Variants in HTT-AS observed in about 807,000 individuals in gnomAD.
The protein encoded by HTT-AS is HTT antisense RNA.
At chr4:3,071,682 G>C (rs1156640353) in intron 1 of HTT-AS, among the ~76,000 whole-genome samples, 1 of 152,158 alleles carries the variant, frequency 6.6e-6, no homozygotes, top group African/African-American at 2.4e-5. Flanking sequence ...GAATGGGATT[G>C]TATTTGGAGA....
chr4:3,061,827 A>C (rs1021696871), intron 2 of HTT-AS, among the ~76,000 whole-genome samples: 3 of 150,942 alleles, frequency 2.0e-5, no homozygotes, highest in Non-Finnish European at 4.4e-5. Context: ...TAAAAAATAC[A>C]AAAAACTAGC....
intron 1 of HTT-AS, among the ~76,000 whole-genome samples, chr4:3,069,075 C>T (rs989055177): frequency 9.2e-5 from 14 of 151,864 alleles, no homozygotes; most frequent in South Asian, 2.1e-4. Context: ...AATAGATTTA[C>T]GTTAGATTTT....
At chr4:3,073,333 C>T (rs951701817) in intron 1 of HTT-AS, among the ~76,000 whole-genome samples, 2 of 152,336 alleles carry the variant, frequency 1.3e-5, no homozygotes, top group African/African-American at 2.4e-5. Flanking sequence ...CTGCCCTCTC[C>T]GTTTGCCCCT....
At chr4:3,046,996 A>C (rs974705619), downstream of HTT-AS, among the ~76,000 whole-genome samples, 1 of 152,198 alleles carries the variant, frequency 6.6e-6, no homozygotes, top group Non-Finnish European at 1.5e-5. Context: ...AGTATAATAA[A>C]AAATATATAT....
intron 2 of HTT-AS, among the ~76,000 whole-genome samples, chr4:3,049,995 G>A: frequency 6.6e-6 from 1 of 150,982 alleles, no homozygotes. Context: ...ACCCAGGCTG[G>A]AGTGCAGCGG....
chr4:3,070,549 C>A (rs1371678526), intron 1 of HTT-AS, among the ~76,000 whole-genome samples: 1 of 152,186 alleles, frequency 6.6e-6, no homozygotes, highest in Non-Finnish European at 1.5e-5. Flanking sequence ...CTCGGCCTCC[C>A]AAAGTGCTGG....
At chr4:3,072,885 C>A (rs533327059) in intron 1 of HTT-AS, among the ~76,000 whole-genome samples, 1 of 152,328 alleles carries the variant, frequency 6.6e-6, no homozygotes, top group Non-Finnish European at 1.5e-5. Flanking sequence ...GCCTTGGCCT[C>A]CCAAAGTGCT....
chr4:3,052,871 C>G (rs954056321), intron 2 of HTT-AS, among the ~76,000 whole-genome samples: 7 of 152,182 alleles, frequency 4.6e-5, no homozygotes, highest in African/African-American at 1.7e-4. Flanking sequence ...CGGCATGCGC[C>G]TATAGTCCCA....
In HTT-AS at chr4:3,061,450, G is replaced by A. The variant is rs565172951; in HGVS notation, n.1380+984C>T. Among the ~76,000 whole-genome samples the A allele has an allele frequency of 1.2e-3, 181 of 152,284 alleles. 1 individual carries two copies. Among genetic ancestry groups the A allele is most frequent in the Middle Eastern group, 6.8e-3 (2 of 294 alleles). ...AATGCCAGCACTTTGGGAGGCGGAGGTGGGTGGATCACCTGAGGTCAGGAG... is the reference window on the plus strand; with the variant it reads ...AATGCCAGCACTTTGGGAGGCGGAGATGGGTGGATCACCTGAGGTCAGGAG... On this transcript the variant is annotated intron_variant and non_coding_transcript_variant, in intron 2 of 2. Transcript: ENST00000664062.
At chr4:3,072,524 G>A (rs905757810) in intron 1 of HTT-AS, among the ~76,000 whole-genome samples, 1 of 152,244 alleles carries the variant, frequency 6.6e-6, no homozygotes, top group Non-Finnish European at 1.5e-5. Flanking sequence ...AGGAGGTGAG[G>A]GGTGCTGGGG....
intron 1 of HTT-AS, among the ~76,000 whole-genome samples, chr4:3,073,631 C>T (rs1712258623): frequency 6.6e-6 from 1 of 152,216 alleles, no homozygotes; most frequent in Non-Finnish European, 1.5e-5. Context: ...TGCCCCAGAC[C>T]CTCTCCTCCC....
chr4:3,054,683 T>C (rs554465024), intron 2 of HTT-AS, among the ~76,000 whole-genome samples: 1 of 152,224 alleles, frequency 6.6e-6, no homozygotes, highest in African/African-American at 2.4e-5. Flanking sequence ...AAATTGAACA[T>C]TGAAGTAAAA....
intron 1 of HTT-AS, among the ~76,000 whole-genome samples, chr4:3,073,085 CCTT>C (rs1201550889): frequency 5.9e-5 from 9 of 152,210 alleles, no homozygotes; most frequent in Non-Finnish European, 1.3e-4. Context: ...TCTCTGCTGT[CCTT>C]CTCAAGAAAA....
chr4:3,057,779 G>A lies in HTT-AS; in HGVS notation n.1380+4655C>T, dbSNP rs183116837. Among the ~76,000 whole-genome samples the A allele has an allele frequency of 4.2e-3, 634 of 151,506 alleles. 1 individual carries two copies. Among genetic ancestry groups the A allele is most frequent in the Non-Finnish European group, 4.6e-3 (311 of 67,752 alleles). ...CTCCTGAGTAGCTGGGACTATAGGC[G>A]CCCGCCTGTAATTTTTTGTATTTTT... On this transcript the variant is annotated intron_variant and non_coding_transcript_variant, in intron 2 of 2. Transcript: ENST00000664062.
chr4:3,048,895 G>A (rs1711649639), downstream of HTT-AS, among the ~76,000 whole-genome samples: 1 of 152,204 alleles, frequency 6.6e-6, no homozygotes, highest in Non-Finnish European at 1.5e-5. Flanking sequence ...TGTGGGTTAA[G>A]AGGAGTGAAC....
Position 3,074,067 on chromosome 4 carries a change from C to T in HTT-AS, n.113+359G>A, listed in dbSNP as rs376165809. 8.2e-5 allele frequency among the ~76,000 whole-genome samples: 12 copies of T among 146,132 alleles called. No homozygotes were observed. In the East Asian group the frequency reaches 2.5e-3, roughly 31 times the overall value. On this transcript the variant is annotated intron_variant and non_coding_transcript_variant, in intron 1 of 2. Transcript: ENST00000664062. ...GGGCGAGCCCCTCCATGGCCCTGCCCCTCCGCGCCCCACCCCTCCCTCGCC... is the reference window on the plus strand; with the variant it reads ...GGGCGAGCCCCTCCATGGCCCTGCCTCTCCGCGCCCCACCCCTCCCTCGCC...
rs977954862 is a variant in HTT-AS, at chr4:3,049,983, T to C, written n.1381-285A>G. Among the ~76,000 whole-genome samples, 24 of 151,552 alleles carry C rather than the reference T, an allele frequency of 1.6e-4. No homozygotes were observed. The East Asian group carries it at 2.7e-3, about 17-fold the overall frequency. Reference sequence around the variant, plus strand: ...TTTTTTTTTTGAGATGGAATCTCTGTCACCCAGGCTGGAGTGCAGCGGTGC... The same window carrying C: ...TTTTTTTTTTGAGATGGAATCTCTGCCACCCAGGCTGGAGTGCAGCGGTGC... On this transcript the variant is annotated intron_variant and non_coding_transcript_variant, in intron 2 of 2. Transcript: ENST00000664062.
intron 1 of HTT-AS, among the ~76,000 whole-genome samples, chr4:3,070,377 G>T (rs372555125): frequency 6.6e-6 from 1 of 150,780 alleles, no homozygotes; most frequent in African/African-American, 2.4e-5. Flanking sequence ...TGCAACCTCC[G>T]CCTCCTGGGT....
chr4:3,066,358 C>T (rs1036405945), intron 1 of HTT-AS, among the ~76,000 whole-genome samples: 9 of 152,084 alleles, frequency 5.9e-5, no homozygotes, highest in Non-Finnish European at 8.8e-5. Context: ...TTAGTAGAGA[C>T]GGGGTTTCAC....
Sources: allele counts gnomAD v4.1 joint callset (sites outside exome capture counted in the v4.1 genomes callset), GRCh38; gene constraint gnomAD v4.1.1; transcripts MANE v1.5; gene names NCBI Gene and HGNC (gene_info 2026-07-23, HGNC 2026-07-21).